SYCP1: variants seen among roughly 807,000 people sequenced by gnomAD.
SYCP1 encodes the protein cancer/testis antigen 8.
In SYCP1, 64 loss-of-function variants were observed where a neutral mutation model predicts 153.1. The observed-to-expected ratio is 0.42, with a 90% confidence interval of 0.34 to 0.51. The LOEUF (loss-of-function observed/expected upper bound fraction) is 0.51. SYCP1 is among the 20% of genes least tolerant of loss of function. The pLI is 0.06. For synonymous variants in SYCP1, 384 were observed against 341.8 expected (o/e 1.12, Z -1.36); for missense variants, 997 against 1,049.0 (o/e 0.95, Z 0.68).
At chr1:114,986,984 G>A (rs1442234354) in intron 30 of SYCP1, among the ~76,000 whole-genome samples, 3 of 151,956 alleles carry the variant, frequency 2.0e-5, no homozygotes, top group Admixed American at 6.6e-5. Flanking sequence ...GCCAGAGGGG[G>A]CAATAGGACT....
At chr1:114,869,730 A>G (rs1419918702) in intron 8 of SYCP1, among the ~76,000 whole-genome samples, 1 of 152,192 alleles carries the variant, frequency 6.6e-6, no homozygotes, top group African/African-American at 2.4e-5. Context: ...AATATTCCAA[A>G]ATCTAAAAAG....
intron 27 of SYCP1, among the ~76,000 whole-genome samples, chr1:114,955,607 C>T (rs1247341018): frequency 6.6e-6 from 1 of 152,074 alleles, no homozygotes. Context: ...TCAGGGTCAC[C>T]ATTAACCCAC....
At chr1:114,933,103 T>A (rs952781284) in intron 23 of SYCP1, among the ~76,000 whole-genome samples, 1 of 152,160 alleles carries the variant, frequency 6.6e-6, no homozygotes, top group Admixed American at 6.5e-5. Flanking sequence ...CCTCCTCAAG[T>A]GGGTCCCTGA....
rs748648737 is a variant in SYCP1 at position 114,910,494 on chromosome 1, C to G, written c.1418C>G (p.Ala473Gly). The change falls in exon 17 of 32, where the codon GCC becomes GGC. Residue 473 changes from alanine to glycine, a missense_variant. Coordinates refer to ENST00000369522, the MANE Select transcript of SYCP1 (RefSeq NM_003176.4). Reference protein sequence around the residue: ...TEQELIGLLQAREKEVHDLEI... With the variant: ...TEQELIGLLQGREKEVHDLEI... ...CAAGAACTAATTGGTCTTCTCCAAGCCAGAGAGGTTTGTTTAAGGAAACAT... is the reference window on the plus strand; with the variant it reads ...CAAGAACTAATTGGTCTTCTCCAAGGCAGAGAGGTTTGTTTAAGGAAACAT... 4 of 1,556,328 alleles carry G rather than the reference C, an allele frequency of 2.6e-6. No homozygotes were observed. The highest frequency in any genetic ancestry group is 3.5e-6 in the Non-Finnish European group (4 of 1,154,354).
chr1:114,993,263 T>A (rs1674047877), intron 30 of SYCP1, among the ~76,000 whole-genome samples: 1 of 151,588 alleles, frequency 6.6e-6, no homozygotes, highest in South Asian at 2.1e-4. Context: ...CTCTATGACT[T>A]ATTTATTGAA....
Position 114,914,181 on chromosome 1 carries a change from T to C in SYCP1, c.1718+136T>C, listed in dbSNP as rs1026897808. The C allele has an allele frequency of 1.0e-5, 6 of 601,816 alleles. No homozygotes were observed. The African/African-American group carries it at 1.2e-4, about 12-fold the overall frequency. The allele number at this position is 601,816 out of a possible 1,614,324, so 37.3% of individuals were successfully genotyped here. On this transcript the variant is annotated intron_variant, in intron 20 of 31. Coordinates refer to ENST00000369522, the MANE Select transcript of SYCP1 (RefSeq NM_003176.4). ...GTAAAAATTAGATATAAATCACTGT[T>C]GTGGAATCCTGCTTAAAAATAAAAT... is the stretch of plus-strand genomic sequence containing the variant.
chr1:114,953,109 A>G (rs888939916), intron 27 of SYCP1, among the ~76,000 whole-genome samples: 1 of 152,224 alleles, frequency 6.6e-6, no homozygotes, highest in African/African-American at 2.4e-5. Flanking sequence ...CCTGCCACCC[A>G]TAAGGGCAGA....
chr1:114,887,785 C>T, intron 15 of SYCP1, 92 bp downstream of exon 15: 1 of 795,512 alleles, frequency 1.3e-6, no homozygotes, highest in Non-Finnish European at 1.8e-6. Flanking sequence ...AATTTCCCCT[C>T]TGTCATTTGC....
chr1:114,899,945 T>C (rs1258153990), intron 16 of SYCP1, among the ~76,000 whole-genome samples: 1 of 152,228 alleles, frequency 6.6e-6, no homozygotes, highest in African/African-American at 2.4e-5. Context: ...TGTTAGAGGT[T>C]GAAAACACTT....
chr1:114,854,365 T>G (rs1197879302), upstream of SYCP1, among the ~76,000 whole-genome samples: 2 of 152,128 alleles, frequency 1.3e-5, no homozygotes, highest in Non-Finnish European at 2.9e-5. Flanking sequence ...AACTCCTTCC[T>G]GGGCTCAAGC....
intron 27 of SYCP1, among the ~76,000 whole-genome samples, chr1:114,973,068 G>A (rs531179509): frequency 3.9e-5 from 6 of 152,062 alleles, no homozygotes; most frequent in African/African-American, 7.2e-5. Flanking sequence ...GCCATTTTAC[G>A]TCTCTTCAAG....
intron 16 of SYCP1, among the ~76,000 whole-genome samples, chr1:114,898,122 G>A (rs1396087151): frequency 2.0e-5 from 3 of 152,132 alleles, no homozygotes; most frequent in Non-Finnish European, 4.4e-5. Flanking sequence ...GTCAGCCTCT[G>A]GATCCAGTTT....
chr1:114,951,490 T>C (rs1180199755), intron 27 of SYCP1, among the ~76,000 whole-genome samples: 1 of 152,204 alleles, frequency 6.6e-6, no homozygotes, highest in African/African-American at 2.4e-5. Flanking sequence ...TAATAGTTCT[T>C]GAAAGGGCTG....
chr1:114,895,344 C>T (rs981887937), intron 15 of SYCP1, 104 bp from the exon 16 acceptor site: 3 of 584,904 alleles, frequency 5.1e-6, no homozygotes, highest in Non-Finnish European at 8.4e-6. Context: ...GCATTTGTCT[C>T]TCCTGATTTT....
At chr1:114,887,460 A>G (rs1195448780) in intron 14 of SYCP1, among the ~76,000 whole-genome samples, 166 bp from the exon 15 acceptor site, 1 of 151,942 alleles carries the variant, frequency 6.6e-6, no homozygotes, top group African/African-American at 2.4e-5. Flanking sequence ...ATCTTATTTT[A>G]AAATGTTACA....
At chr1:114,876,836 A>ATT in intron 11 of SYCP1, 26 bp downstream of exon 11, 1 of 1,256,902 alleles carries the variant, frequency 8.0e-7, no homozygotes, top group Non-Finnish European at 1.0e-6. Flanking sequence ...AACTCTTTGT[A>ATT]TTCTTTATAT....
intron 5 of SYCP1, 43 bp downstream of exon 5, chr1:114,857,540 A>T (rs1570640763): frequency 2.9e-6 from 4 of 1,400,702 alleles, no homozygotes; most frequent in Admixed American, 2.0e-5. Context: ...TGTAATTGGA[A>T]TATAACTTAT....
At chr1:114,865,425 C>T (rs1406085077) in intron 8 of SYCP1, among the ~76,000 whole-genome samples, 4 of 152,190 alleles carry the variant, frequency 2.6e-5, no homozygotes, top group African/African-American at 9.7e-5. Flanking sequence ...TATTTTCTAA[C>T]AGGCAGTCAG....
chr1:114,978,508 C>T (rs1257401398), intron 28 of SYCP1, among the ~76,000 whole-genome samples: 2 of 151,578 alleles, frequency 1.3e-5, no homozygotes, highest in Admixed American at 6.6e-5. Context: ...AAGAAGAATA[C>T]CCCTCAGCTT....
Sources: gnomAD v4.1 joint callset for allele counts (sites outside exome capture counted in the v4.1 genomes callset) on GRCh38, gnomAD v4.1.1 for gene constraint, MANE v1.5 for transcripts, NCBI Gene and HGNC (gene_info 2026-07-23, HGNC 2026-07-21) for gene names.